SLC15A5: variants seen among roughly 807,000 people sequenced by gnomAD.
The protein encoded by SLC15A5 is Peptide/histidine transporter ENSP00000340402.
A neutral mutation model predicts 56.1 loss-of-function variants in SLC15A5; 58 were observed. The ratio of observed to expected loss-of-function variants is 1.03; its 90% CI spans 0.84 to 1.29. The LOEUF is 1.29. SLC15A5 is among the 50% of genes most tolerant of loss of function. SLC15A5 has a pLI of 0.00. For missense variants in SLC15A5, 681 were observed against 672.1 expected, an observed-to-expected ratio of 1.01 and a Z score of -0.15; for synonymous variants, 264 against 250.5, an observed-to-expected ratio of 1.05 and a Z score of -0.51.
intron 2 of SLC15A5, among the ~76,000 whole-genome samples, chr12:16,260,198 C>T (rs1864630021): frequency 6.6e-6 from 1 of 152,056 alleles, no homozygotes; most frequent in Non-Finnish European, 1.5e-5. Context: ...GGGAGCAGGA[C>T]TTTTTTTGGA....
chr12:16,193,924 GT>G (rs5796655), intron 8 of SLC15A5, among the ~76,000 whole-genome samples: 72,342 of 145,612 alleles, frequency 0.5, 18,034 homozygotes, highest in South Asian at 0.74. Flanking sequence ...GGATTTTGTA[GT>G]TTTTTTTAAA....
intron 7 of SLC15A5, among the ~76,000 whole-genome samples, chr12:16,200,481 A>C (rs1863944520): frequency 6.6e-6 from 1 of 152,028 alleles, no homozygotes; most frequent in Non-Finnish European, 1.5e-5. Flanking sequence ...TCAAATTGTC[A>C]AAGAAGAGAT....
At chr12:16,275,380 A>G (rs1256049871) in intron 1 of SLC15A5, among the ~76,000 whole-genome samples, 1 of 152,040 alleles carries the variant, frequency 6.6e-6, no homozygotes, top group Admixed American at 6.6e-5. Flanking sequence ...ATAGGTTGGT[A>G]AGGTTGTTGT....
At chr12:16,274,704 G>A (rs1441801155) in intron 1 of SLC15A5, among the ~76,000 whole-genome samples, 1 of 152,036 alleles carries the variant, frequency 6.6e-6, no homozygotes, top group Non-Finnish European at 1.5e-5. Context: ...TGTGACGTGA[G>A]GCCTGGCTAG....
At chr12:16,250,569 T>C (rs182753204) in intron 3 of SLC15A5, among the ~76,000 whole-genome samples, 148 of 152,074 alleles carry the variant, frequency 9.7e-4, no homozygotes, top group African/African-American at 3.5e-3. Flanking sequence ...TGGAACAGAA[T>C]AGAAACTCCA....
At chr12:16,268,899 A>G (rs934302903) in intron 2 of SLC15A5, among the ~76,000 whole-genome samples, 1 of 152,020 alleles carries the variant, frequency 6.6e-6, no homozygotes, top group Admixed American at 6.6e-5. Context: ...TACCTCCTAT[A>G]ACAATGGTAT....
chr12:16,199,358 A>G (rs536947247), intron 7 of SLC15A5, among the ~76,000 whole-genome samples: 1 of 137,658 alleles, frequency 7.3e-6, no homozygotes, highest in Non-Finnish European at 1.6e-5. Context: ...CATACTATTT[A>G]GAGTAAGAGA....
intron 2 of SLC15A5, among the ~76,000 whole-genome samples, chr12:16,266,344 AC>A (rs527389437): frequency 1.8e-3 from 277 of 152,274 alleles, no homozygotes; most frequent in Middle Eastern, 6.8e-3. Context: ...ACACCGTGTG[AC>A]TCTTCAGTAT....
At chr12:16,204,435 CAA>C (rs34486958) in intron 7 of SLC15A5, among the ~76,000 whole-genome samples, 1 of 136,458 alleles carries the variant, frequency 7.3e-6, no homozygotes, top group Non-Finnish European at 1.6e-5. Context: ...GACACTGTCT[CAA>C]AAAAAAAAAA....
chr12:16,210,139 T>C (rs946780438), intron 7 of SLC15A5, among the ~76,000 whole-genome samples: 16 of 152,186 alleles, frequency 1.1e-4, no homozygotes, highest in Admixed American at 5.2e-4. Flanking sequence ...TTGATATATG[T>C]GCTCTCTACC....
chr12:16,197,846 T>G (rs1863910234), intron 7 of SLC15A5, among the ~76,000 whole-genome samples: 1 of 152,138 alleles, frequency 6.6e-6, no homozygotes, highest in Admixed American at 6.6e-5. Context: ...ATAACTTTAT[T>G]TTAGTAGCTT....
chr12:16,207,512 A>C (rs1864032703), intron 7 of SLC15A5, among the ~76,000 whole-genome samples: 1 of 152,112 alleles, frequency 6.6e-6, no homozygotes, highest in Non-Finnish European at 1.5e-5. Flanking sequence ...GGCTATTTAA[A>C]AATCTATCAG....
chr12:16,264,499 G>A (rs1254209399), intron 2 of SLC15A5, among the ~76,000 whole-genome samples: 1 of 152,166 alleles, frequency 6.6e-6, no homozygotes, highest in Admixed American at 6.5e-5. Flanking sequence ...ATGCTGAAAT[G>A]AGTTGATACT....
At chr12:16,192,401 T>C (rs1435137058) in intron 8 of SLC15A5, among the ~76,000 whole-genome samples, 1 of 152,070 alleles carries the variant, frequency 6.6e-6, no homozygotes, top group Non-Finnish European at 1.5e-5. Flanking sequence ...TAGTCACTTC[T>C]CATCTTTGGT....
intron 3 of SLC15A5, among the ~76,000 whole-genome samples, chr12:16,251,767 T>G (rs1864521397): frequency 7.3e-6 from 1 of 136,848 alleles, no homozygotes; most frequent in African/African-American, 2.8e-5. Context: ...CACCTGTTTT[T>G]CTTCAACTCT....
chr12:16,204,480 A>G (rs10846308), intron 7 of SLC15A5, among the ~76,000 whole-genome samples: 1 of 150,512 alleles, frequency 6.6e-6, no homozygotes, highest in African/African-American at 2.4e-5. Context: ...TGTGAAATTC[A>G]TCTAGAAGTA....
intron 2 of SLC15A5, among the ~76,000 whole-genome samples, chr12:16,270,001 G>T (rs146689272): frequency 2.0e-5 from 3 of 152,326 alleles, no homozygotes; most frequent in African/African-American, 4.8e-5. Context: ...TATGTGGAAA[G>T]CCAGGCTCTG....
chr12:16,245,363 C>T (rs1360336591), intron 3 of SLC15A5, among the ~76,000 whole-genome samples: 1 of 152,086 alleles, frequency 6.6e-6, no homozygotes, highest in East Asian at 1.9e-4. Context: ...TTGATAGTGT[C>T]ATTAAGAGTT....
Position 16,189,712 on chromosome 12 carries a change from G to A in SLC15A5, c.1696C>T (p.Gln566Ter). ...AGATCAATACTTGAAGAAAATTCCT[G>A]TATACTGCCATAAAATTTCAGAGAT... ...EKSLKFYGSI[Q>*]EFSSSIDLWE... Residue 566 changes from glutamine (Q) to a stop codon, truncating the protein, a stop_gained, in exon 9 of 9, where the codon CAG becomes TAG. Coordinates refer to ENST00000344941, the MANE Select transcript of SLC15A5 (RefSeq NM_001170798.1). LOFTEE classifies it high-confidence loss of function. 6.5e-7 allele frequency: 1 copy of A among 1,530,514 alleles called. No individual in the cohort carries two copies. The highest frequency in any genetic ancestry group is 8.7e-7 in the Non-Finnish European group (1 of 1,143,906). The allele number at this position is 1,530,514 out of a possible 1,614,324, so 94.8% of individuals were successfully genotyped here.
Sources: allele counts gnomAD v4.1 joint callset (sites outside exome capture counted in the v4.1 genomes callset), GRCh38; gene constraint gnomAD v4.1.1; transcripts MANE v1.5; gene names NCBI Gene and HGNC (gene_info 2026-07-23, HGNC 2026-07-21).